KIF6: variants seen among roughly 807,000 people sequenced by gnomAD.
The protein encoded by KIF6 is kinesin family member 6.
In KIF6, 106 loss-of-function variants were observed where a neutral mutation model predicts 112.7. The observed-to-expected ratio is 0.94, with a 90% CI of 0.80 to 1.11. The LOEUF (loss-of-function observed/expected upper bound fraction) is 1.11. Among genes scored for constraint, KIF6 ranks in the 50% least tolerant of loss-of-function variants. KIF6 has a pLI of 0.00. For missense variants in KIF6, 929 were observed against 964.0 expected (o/e 0.96, Z 0.48); for synonymous variants, 339 against 339.9 (o/e 1.00, Z 0.03).
In KIF6 at chr6:39,575,691, C is replaced by G. The variant is rs142065567; in HGVS notation, c.1181+2365G>C. ...TGGGGCCCTTCCCTGTCTCTCCATT[C>G]TTAACACTGCAGAGGAGGAGGGCTC... On this transcript the variant is annotated intron_variant, in intron 10 of 22. Coordinates refer to ENST00000287152, the MANE Select transcript of KIF6 (RefSeq NM_145027.6). Among the ~76,000 whole-genome samples, 139 of 152,312 alleles carry G rather than the reference C, an allele frequency of 9.1e-4. 4 individuals are homozygous for G. In the East Asian group the frequency reaches 0.025, roughly 27 times the overall value.
intron 5 of KIF6, among the ~76,000 whole-genome samples, chr6:39,616,336 G>A (rs1364080359): frequency 3.3e-5 from 5 of 152,100 alleles, no homozygotes; most frequent in Non-Finnish European, 5.9e-5. Flanking sequence ...TGCCCTTGGC[G>A]TTTCTTCATA....
chr6:39,578,105 C>T lies in KIF6; in HGVS notation c.1132G>A (p.Val378Ile), dbSNP rs1781073900. 20 of 1,613,956 alleles carry T rather than the reference C, an allele frequency of 1.2e-5. No homozygotes were observed. The highest frequency in any genetic ancestry group is 1.6e-4 in the Middle Eastern group (1 of 6,084). ...IQELKDELAM[V>I]TGEQRTEALT... ...GCCTCTGTCCTCTGCTCCCCAGTGA[C>T]CATGGCCAGTTCATCCTTCAGTTCC... is the stretch of plus-strand genomic sequence containing the variant. Residue 378 changes from valine (V) to isoleucine (I), a missense_variant, in exon 10 of 23, where the codon GTC becomes ATC. Val to Ile is a conservative substitution (Grantham distance 29, BLOSUM62 3). This residue lies in a region of KIF6 where 688 missense variants were observed against 662.7 expected (regional missense o/e 1.04). Transcript: ENST00000287152.
At chr6:39,390,992 C>T (rs566183244) in intron 15 of KIF6, among the ~76,000 whole-genome samples, 2 of 152,262 alleles carry the variant, frequency 1.3e-5, no homozygotes. Context: ...TTCTTTGAAA[C>T]CTTAAAATCA....
chr6:39,374,044 A>G (rs1766239426), intron 16 of KIF6, among the ~76,000 whole-genome samples: 1 of 152,220 alleles, frequency 6.6e-6, no homozygotes, highest in African/African-American at 2.4e-5. Flanking sequence ...GACCAATGCA[A>G]CAGGAGAGAA....
rs185754451 is a variant in KIF6 at position 39,538,178 on chromosome 6, C to T, written c.1645+1825G>A. Reference sequence around the variant, plus strand: ...ATGGGCAAGGACTTCATGTCTAAAACACCAAAAGCAATGGAACAAAAGCCA... The same window carrying T: ...ATGGGCAAGGACTTCATGTCTAAAATACCAAAAGCAATGGAACAAAAGCCA... On this transcript the variant is annotated intron_variant, in intron 13 of 22. Coordinates refer to ENST00000287152, the MANE Select transcript of KIF6 (RefSeq NM_145027.6). 9.9e-4 allele frequency among the ~76,000 whole-genome samples: 150 copies of T among 151,432 alleles called. 3 individuals carry two copies. Among genetic ancestry groups the T allele is most frequent in the Admixed American group, 8.9e-3 (135 of 15,244 alleles).
intron 13 of KIF6, among the ~76,000 whole-genome samples, chr6:39,495,516 C>T (rs1450854086): frequency 6.6e-6 from 1 of 152,144 alleles, no homozygotes; most frequent in Non-Finnish European, 1.5e-5. Flanking sequence ...CCACCTCTTG[C>T]CTTATCCCAG....
intron 22 of KIF6, among the ~76,000 whole-genome samples, chr6:39,341,687 C>A (rs1222093178): frequency 6.6e-6 from 1 of 152,200 alleles, no homozygotes; most frequent in Non-Finnish European, 1.5e-5. Flanking sequence ...ACTCTCCATC[C>A]CTCCAGCTCC....
At chr6:39,460,548 A>AAAAAAAAAAAAAAAAC in intron 13 of KIF6, among the ~76,000 whole-genome samples, 1 of 149,694 alleles carries the variant, frequency 6.7e-6, no homozygotes, top group Non-Finnish European at 1.5e-5. Flanking sequence ...AAAAAAAAAA[A>AAAAAAAAAAAAAAAAC]AAAAAAAAAA....
intron 17 of KIF6, among the ~76,000 whole-genome samples, chr6:39,362,215 C>T (rs1251962850): frequency 1.3e-5 from 2 of 152,136 alleles, no homozygotes; most frequent in African/African-American, 2.4e-5. Context: ...AGCTGCTTCC[C>T]GGGCCTGGCT....
intron 13 of KIF6, among the ~76,000 whole-genome samples, chr6:39,523,645 C>CATATATAT (rs56952665): frequency 1.2e-4 from 4 of 32,478 alleles, no homozygotes; most frequent in Non-Finnish European, 2.9e-4. Flanking sequence ...TTAATTCTGC[C>CATATATAT]ATATATATAT....
intron 2 of KIF6, among the ~76,000 whole-genome samples, chr6:39,716,896 T>C (rs1012315035): frequency 1.3e-5 from 2 of 152,202 alleles, no homozygotes; most frequent in Non-Finnish European, 2.9e-5. Flanking sequence ...CATTAGGATC[T>C]GCTTGACTCC....
chr6:39,542,151 A>G (rs2150565578), intron 12 of KIF6, among the ~76,000 whole-genome samples: 1 of 152,318 alleles, frequency 6.6e-6, no homozygotes, highest in Middle Eastern at 3.4e-3. Context: ...TCTTCATATC[A>G]TGGGAAGCCC....
chr6:39,441,878 A>G (rs1029865449), intron 13 of KIF6, among the ~76,000 whole-genome samples: 2 of 152,226 alleles, frequency 1.3e-5, no homozygotes, highest in Non-Finnish European at 2.9e-5. Flanking sequence ...CACATGAAAG[A>G]TGTCAAAGGA....
chr6:39,637,235 C>A (rs530505071), intron 4 of KIF6, among the ~76,000 whole-genome samples: 1 of 152,050 alleles, frequency 6.6e-6, no homozygotes, highest in South Asian at 2.1e-4. Context: ...AGGTCCACTG[C>A]CCTGAGGTGA....
intron 13 of KIF6, among the ~76,000 whole-genome samples, chr6:39,527,579 A>G (rs558770788): frequency 3.3e-5 from 5 of 152,170 alleles, no homozygotes; most frequent in Non-Finnish European, 7.3e-5. Context: ...CCACTTATTC[A>G]ATAAAGAAAA....
At chr6:39,380,316 T>A (rs1766814743) in intron 16 of KIF6, among the ~76,000 whole-genome samples, 1 of 152,256 alleles carries the variant, frequency 6.6e-6, no homozygotes, top group African/African-American at 2.4e-5. Flanking sequence ...CAGCTCTGAC[T>A]GTCACATCTA....
chr6:39,634,773 C>T (rs917172370), intron 5 of KIF6, 76 bp downstream of exon 5: 3 of 890,814 alleles, frequency 3.4e-6, no homozygotes, highest in Non-Finnish European at 5.7e-6. Context: ...CAGAAACATA[C>T]AAAGTTTCAA....
intron 13 of KIF6, among the ~76,000 whole-genome samples, chr6:39,508,897 T>A (rs1411828023): frequency 6.6e-6 from 1 of 152,144 alleles, no homozygotes; most frequent in Non-Finnish European, 1.5e-5. Context: ...GCATTTGAGC[T>A]CTGATAACAA....
chr6:39,716,804 C>A (rs1789878695), intron 2 of KIF6, among the ~76,000 whole-genome samples: 1 of 152,170 alleles, frequency 6.6e-6, no homozygotes, highest in African/African-American at 2.4e-5. Flanking sequence ...CTTCTTCCCA[C>A]CCTAAAGAAT....
Sources: allele counts gnomAD v4.1 joint callset (sites outside exome capture counted in the v4.1 genomes callset), GRCh38; gene constraint gnomAD v4.1.1; regional missense constraint gnomAD v4.1.1; transcripts MANE v1.5; gene names NCBI Gene and HGNC (gene_info 2026-07-23, HGNC 2026-07-21).